The following GABBR2 variants were observed in gnomAD, a reference collection of about 807,000 sequenced individuals.
GABBR2 encodes the protein gamma-aminobutyric acid type B receptor subunit 2.
Under a neutral mutation model 105.6 loss-of-function variants are expected in GABBR2, and 23 were observed. The ratio of observed to expected loss-of-function variants is 0.22; its 90% confidence interval spans 0.16 to 0.31. The LOEUF is 0.31. Among genes scored for constraint, GABBR2 ranks in the 10% least tolerant of loss-of-function variants. The pLI, the probability that GABBR2 is intolerant of heterozygous loss-of-function variation, is 1.00. For missense variants in GABBR2, 734 were observed against 1,245.5 expected, an observed-to-expected ratio of 0.59 and a Z score of 6.18; for synonymous variants, 478 against 499.7, an observed-to-expected ratio of 0.96 and a Z score of 0.58.
intron 1 of GABBR2, among the ~76,000 whole-genome samples, chr9:98,627,812 A>G (rs181421798): frequency 1.3e-5 from 2 of 152,378 alleles, no homozygotes; most frequent in Admixed American, 1.3e-4. Context: ...GAGGCCATCT[A>G]GTCTAGCGCC....
intron 13 of GABBR2, among the ~76,000 whole-genome samples, chr9:98,342,596 G>A (rs1188957418): frequency 6.6e-6 from 1 of 152,194 alleles, no homozygotes; most frequent in Non-Finnish European, 1.5e-5. Context: ...GAGTTCCACT[G>A]CCCTGCCTGG....
intron 13 of GABBR2, among the ~76,000 whole-genome samples, chr9:98,318,390 C>G (rs1830755788): frequency 6.7e-6 from 1 of 149,566 alleles, no homozygotes; most frequent in Non-Finnish European, 1.5e-5. Context: ...CCGCACACCT[C>G]TGACACAGAG....
chr9:98,562,552 C>T (rs1448542885), intron 2 of GABBR2, among the ~76,000 whole-genome samples: 1 of 152,048 alleles, frequency 6.6e-6, no homozygotes, highest in East Asian at 1.9e-4. Flanking sequence ...AAACTAATAT[C>T]ACATGCTTCA....
At chr9:98,431,278 C>A (rs1201561354) in intron 7 of GABBR2, among the ~76,000 whole-genome samples, 1 of 152,106 alleles carries the variant, frequency 6.6e-6, no homozygotes, top group Non-Finnish European at 1.5e-5. Context: ...GAATAGCAAC[C>A]ATTGTCTTCT....
At chr9:98,536,966 G>A (rs1321376066) in intron 3 of GABBR2, among the ~76,000 whole-genome samples, 4 of 152,148 alleles carry the variant, frequency 2.6e-5, no homozygotes, top group African/African-American at 9.7e-5. Context: ...AGGTAGAATG[G>A]GGCTACTTTG....
intron 2 of GABBR2, among the ~76,000 whole-genome samples, chr9:98,576,751 A>T (rs1768111376): frequency 6.6e-6 from 1 of 152,176 alleles, no homozygotes; most frequent in Non-Finnish European, 1.5e-5. Context: ...AACCTTAATA[A>T]TATTATTATT....
intron 8 of GABBR2, among the ~76,000 whole-genome samples, chr9:98,401,631 C>G (rs974705841): frequency 1.5e-4 from 23 of 152,242 alleles, no homozygotes; most frequent in African/African-American, 5.3e-4. Flanking sequence ...AGTTGAGTGA[C>G]AGTCTGACGA....
At chr9:98,702,727 T>C (rs1344451785) in intron 1 of GABBR2, among the ~76,000 whole-genome samples, 4 of 152,346 alleles carry the variant, frequency 2.6e-5, no homozygotes, top group African/African-American at 7.2e-5. Flanking sequence ...GTCAACTTTA[T>C]ATTCACTCTT....
chr9:98,409,871 C>T (rs1321672535), intron 7 of GABBR2, among the ~76,000 whole-genome samples: 1 of 152,186 alleles, frequency 6.6e-6, no homozygotes, highest in Non-Finnish European at 1.5e-5. Context: ...AAAACATATC[C>T]TGATAAACTT....
intron 1 of GABBR2, among the ~76,000 whole-genome samples, chr9:98,602,349 G>A (rs1187715395): frequency 4.0e-5 from 6 of 150,792 alleles, no homozygotes; most frequent in East Asian, 2.0e-4. Context: ...GCAGGCACCC[G>A]TAATCCCAGC....
intron 2 of GABBR2, among the ~76,000 whole-genome samples, chr9:98,561,739 C>T (rs1828676532): frequency 1.3e-5 from 2 of 152,098 alleles, no homozygotes; most frequent in Non-Finnish European, 2.9e-5. Flanking sequence ...TTAAAATTAG[C>T]CTGGCATGGT....
At chr9:98,681,012 A>G (rs1205412058) in intron 1 of GABBR2, among the ~76,000 whole-genome samples, 2 of 152,140 alleles carry the variant, frequency 1.3e-5, no homozygotes, top group Non-Finnish European at 2.9e-5. Flanking sequence ...AACTAGTTCA[A>G]CCATTGTGGA....
intron 1 of GABBR2, among the ~76,000 whole-genome samples, chr9:98,658,279 T>C (rs1466209608): frequency 6.6e-6 from 1 of 152,130 alleles, no homozygotes; most frequent in Non-Finnish European, 1.5e-5. Flanking sequence ...TACACAAGCC[T>C]GGGCCCCACC....
At chr9:98,581,639 T>C (rs1829005435) in intron 1 of GABBR2, among the ~76,000 whole-genome samples, 1 of 152,080 alleles carries the variant, frequency 6.6e-6, no homozygotes, top group Non-Finnish European at 1.5e-5. Flanking sequence ...GAGCAGATAA[T>C]AACAGAGTAG....
In GABBR2 at chr9:98,648,289, G is replaced by A. The variant is rs1046781675; in HGVS notation, c.321+60128C>T. On this transcript the variant is annotated intron_variant, in intron 1 of 18. Coordinates refer to ENST00000259455, the MANE Select transcript of GABBR2 (RefSeq NM_005458.8). ...TGGGATTACAGGCAGCTGCCACCAC[G>A]CCCAGCTAATTTTTGTATTTTTTAG... 6.6e-5 allele frequency among the ~76,000 whole-genome samples: 10 copies of A among 151,848 alleles called. No individual in the cohort carries two copies. In the East Asian group the frequency reaches 7.8e-4, roughly 12 times the overall value.
chr9:98,562,956 G>C (rs1299345310), intron 2 of GABBR2, among the ~76,000 whole-genome samples: 2 of 150,298 alleles, frequency 1.3e-5, no homozygotes. Flanking sequence ...TGTAATCCCA[G>C]CTACTTGGGG....
At chr9:98,426,595 A>G (rs1318458528) in intron 7 of GABBR2, among the ~76,000 whole-genome samples, 1 of 151,582 alleles carries the variant, frequency 6.6e-6, no homozygotes, top group Non-Finnish European at 1.5e-5. Flanking sequence ...TTTTGGCTCA[A>G]CTCCCCAACT....
At chr9:98,334,317 C>T (rs1306328063) in intron 13 of GABBR2, among the ~76,000 whole-genome samples, 2 of 152,136 alleles carry the variant, frequency 1.3e-5, no homozygotes, top group Non-Finnish European at 2.9e-5. Flanking sequence ...AACAAAGGGA[C>T]GGATGCAAAA....
intron 6 of GABBR2, among the ~76,000 whole-genome samples, chr9:98,455,242 A>G (rs1383415338): frequency 2.0e-5 from 3 of 152,238 alleles, no homozygotes; most frequent in African/African-American, 7.2e-5. Context: ...CAAAGTAACG[A>G]AACTGCCTTT....
Sources: allele counts gnomAD v4.1 joint callset (sites outside exome capture counted in the v4.1 genomes callset), GRCh38; gene constraint gnomAD v4.1.1; transcripts MANE v1.5; gene names NCBI Gene and HGNC (gene_info 2026-07-23, HGNC 2026-07-21).